The following MYO1B variants were observed in gnomAD, a reference collection of about 807,000 sequenced individuals.
MYO1B encodes the protein myosin IB.
In MYO1B, 72 loss-of-function variants were observed where a neutral mutation model predicts 159.7. The observed-to-expected ratio is 0.45, with a 90% confidence interval of 0.37 to 0.55. MYO1B has a LOEUF of 0.55. Among genes scored for constraint, MYO1B ranks in the 20% least tolerant of loss-of-function variants. The pLI is 0.00. For missense variants in MYO1B, 1,062 were observed against 1,364.8 expected (o/e 0.78, Z 3.50); for synonymous variants, 468 against 473.8 (o/e 0.99, Z 0.16).
At chr2:191,336,992 T>C (rs1447087689) in intron 4 of MYO1B, among the ~76,000 whole-genome samples, 1 of 152,244 alleles carries the variant, frequency 6.6e-6, no homozygotes, top group Non-Finnish European at 1.5e-5. Context: ...TGCCTATATC[T>C]ATGAATTTAT....
intron 2 of MYO1B, among the ~76,000 whole-genome samples, chr2:191,288,532 G>T (rs1688515718): frequency 6.6e-6 from 1 of 152,138 alleles, no homozygotes; most frequent in African/African-American, 2.4e-5. Flanking sequence ...GTCTAGAGAA[G>T]TTAACTCTTA....
At chr2:191,358,320 G>C (rs1285261411) in intron 7 of MYO1B, among the ~76,000 whole-genome samples, 1 of 152,146 alleles carries the variant, frequency 6.6e-6, no homozygotes, top group Non-Finnish European at 1.5e-5. Flanking sequence ...GTCAGGGAAG[G>C]TTCTCTTTCT....
chr2:191,317,063 G>C (rs1408336095), intron 3 of MYO1B, among the ~76,000 whole-genome samples: 1 of 152,136 alleles, frequency 6.6e-6, no homozygotes, highest in Non-Finnish European at 1.5e-5. Context: ...GATTTGCGGA[G>C]GCCGAAGGGG....
chr2:191,364,185 G>A lies in MYO1B; in HGVS notation c.941G>A (p.Gly314Asp), dbSNP rs758118429. 3 of 1,613,854 alleles carry A rather than the reference G, an allele frequency of 1.9e-6. No homozygotes were observed. The highest frequency in any genetic ancestry group is 2.5e-6 in the Non-Finnish European group (3 of 1,179,846). ...NELKEICELT[G>D]IDQSVLERAF... ...TTAAAAGAAATTTGTGAATTGACCG[G>A]CATTGATCAATCAGTTCTAGAACGA... The change falls in exon 11 of 31, where the codon GGC (glycine) becomes GAC (aspartate). Residue 314 changes from glycine to aspartate, a missense_variant. Coordinates refer to ENST00000392318, the MANE Select transcript of MYO1B (RefSeq NM_001130158.3).
At chr2:191,318,770 G>C (rs1044809338) in intron 3 of MYO1B, among the ~76,000 whole-genome samples, 1 of 152,244 alleles carries the variant, frequency 6.6e-6, no homozygotes, top group Non-Finnish European at 1.5e-5. Context: ...ACTTGAAGCA[G>C]TATTTGAGTG....
At chr2:191,362,412 A>G (rs1366520224) in intron 9 of MYO1B, 41 bp downstream of exon 9, 1 of 1,458,218 alleles carries the variant, frequency 6.9e-7, no homozygotes, top group Admixed American at 1.7e-5. Context: ...ATTGCATACC[A>G]CTGCATTGCT....
intron 3 of MYO1B, among the ~76,000 whole-genome samples, chr2:191,302,497 T>A (rs1273712085): frequency 6.6e-6 from 1 of 152,248 alleles, no homozygotes; most frequent in South Asian, 2.1e-4. Context: ...TTTTTTTCAT[T>A]TTTTAAAAAA....
chr2:191,315,805 G>A (rs192557151), intron 3 of MYO1B, among the ~76,000 whole-genome samples: 3 of 152,354 alleles, frequency 2.0e-5, no homozygotes, highest in Non-Finnish European at 2.9e-5. Context: ...TAGGAAAAGC[G>A]AATCTATAAG....
intron 3 of MYO1B, among the ~76,000 whole-genome samples, chr2:191,300,401 T>A (rs957352973): frequency 2.0e-5 from 3 of 151,052 alleles, no homozygotes; most frequent in African/African-American, 7.3e-5. Flanking sequence ...TGGAGTGCAA[T>A]GGCGCGATCT....
intron 3 of MYO1B, among the ~76,000 whole-genome samples, chr2:191,315,905 T>G (rs1302846248): frequency 6.6e-6 from 1 of 152,220 alleles, no homozygotes; most frequent in Non-Finnish European, 1.5e-5. Context: ...CAGAATTCCC[T>G]TAGAATCTAT....
chr2:191,399,765 G>GT (rs56391819), intron 21 of MYO1B, among the ~76,000 whole-genome samples: 122,948 of 152,050 alleles, frequency 0.81, 53,872 homozygotes, highest in Non-Finnish European at 0.98. Flanking sequence ...AACATGTAGA[G>GT]TAAGTGAAAC....
intron 7 of MYO1B, among the ~76,000 whole-genome samples, chr2:191,350,921 A>G (rs530055136): frequency 6.6e-6 from 1 of 152,236 alleles, no homozygotes; most frequent in Admixed American, 6.5e-5. Flanking sequence ...TGTCTCTTGT[A>G]AAAATGACAG....
At chr2:191,423,412 C>T (rs554775893) in intron 30 of MYO1B, among the ~76,000 whole-genome samples, 13 of 152,268 alleles carry the variant, frequency 8.5e-5, no homozygotes, top group African/African-American at 1.7e-4. Flanking sequence ...GGACCCCCAT[C>T]GTATATGACT....
chr2:191,401,344 G>A (rs1487482279), intron 23 of MYO1B, among the ~76,000 whole-genome samples: 1 of 152,064 alleles, frequency 6.6e-6, no homozygotes, highest in Non-Finnish European at 1.5e-5. Flanking sequence ...AATATTACAT[G>A]TGCAAAGAAT....
chr2:191,423,970 C>T lies in MYO1B; in HGVS notation c.*10C>T, dbSNP rs1559257545. ...AGTTGCTGTCCCTTAACTGGCGCCT[C>T]CTCTCTACTTTCATGGACTTGTTCC... is the stretch of plus-strand genomic sequence containing the variant. On this transcript the variant is annotated 3_prime_UTR_variant, in exon 31 of 31. Transcript: ENST00000392318. 1 of 1,611,866 alleles carries T rather than the reference C, an allele frequency of 6.2e-7. No homozygotes were observed. Among genetic ancestry groups the T allele is most frequent in the Non-Finnish European group, 8.5e-7 (1 of 1,179,174 alleles).
intron 4 of MYO1B, 43 bp from the exon 5 acceptor site, chr2:191,341,418 A>G (rs1048569342): frequency 6.4e-6 from 10 of 1,554,404 alleles, no homozygotes; most frequent in Non-Finnish European, 8.8e-6. Context: ...AGATTTTTTA[A>G]ATTTCTGTGT....
intron 8 of MYO1B, among the ~76,000 whole-genome samples, chr2:191,361,909 A>G (rs912674980): frequency 6.6e-6 from 1 of 152,146 alleles, no homozygotes; most frequent in African/African-American, 2.4e-5. Context: ...AAACCCAAAT[A>G]TCCAATGGTG....
Position 191,378,791 on chromosome 2 carries a change from G to A in MYO1B, c.1186-2671G>A, listed in dbSNP as rs959629082. Among the ~76,000 whole-genome samples, 3 of 152,168 alleles carry A rather than the reference G, an allele frequency of 2.0e-5. No homozygotes were observed. In the South Asian group the frequency reaches 6.2e-4, roughly 32 times the overall value. On this transcript the variant is annotated intron_variant, in intron 13 of 30. Coordinates refer to ENST00000392318, the MANE Select transcript of MYO1B (RefSeq NM_001130158.3). ...CAGGGCTGCTTCAAGCGGGATTGGGGCAGTGTGGGAACCTACAGTGGGAGA... is the reference window on the plus strand; with the variant it reads ...CAGGGCTGCTTCAAGCGGGATTGGGACAGTGTGGGAACCTACAGTGGGAGA...
intron 20 of MYO1B, among the ~76,000 whole-genome samples, chr2:191,395,216 G>GAA (rs1559230718): frequency 3.0e-4 from 45 of 152,210 alleles, no homozygotes; most frequent in African/African-American, 9.2e-4. Flanking sequence ...CTGTTCTACA[G>GAA]CTACATCTGT....
Sources: gnomAD v4.1 joint callset for allele counts (sites outside exome capture counted in the v4.1 genomes callset) on GRCh38, gnomAD v4.1.1 for gene constraint, MANE v1.5 for transcripts, NCBI Gene and HGNC (gene_info 2026-07-23, HGNC 2026-07-21) for gene names.